RYR2: variants seen among roughly 807,000 people sequenced by gnomAD.
RYR2 encodes the protein ryanodine receptor 2.
RYR2 carries 227 observed loss-of-function variants against 601.1 expected under a neutral mutation model. That is an observed-to-expected ratio of 0.38 (90% CI 0.34 to 0.42). The LOEUF is 0.42. RYR2 is among the 10% of genes least tolerant of loss of function. RYR2 has a pLI of 1.00. For missense variants in RYR2, 4,646 were observed against 6,156.5 expected, an observed-to-expected ratio of 0.75 and a Z score of 8.21; for synonymous variants, 2,223 against 2,175.1, an observed-to-expected ratio of 1.02 and a Z score of -0.61.
At chr1:237,259,723 G>A (rs903228929) in intron 1 of RYR2, among the ~76,000 whole-genome samples, 2 of 152,054 alleles carry the variant, frequency 1.3e-5, no homozygotes, top group East Asian at 1.9e-4. Flanking sequence ...GGGGGAATTC[G>A]TTCTCTTCTT....
In RYR2 at chr1:237,711,090, G is replaced by A. The variant is rs189961547; in HGVS notation, c.10231-655G>A. 7.4e-4 allele frequency among the ~76,000 whole-genome samples: 112 copies of A among 152,152 alleles called. 1 individual carries two copies. Among genetic ancestry groups the A allele is most frequent in the African/African-American group, 2.7e-3 (111 of 41,532 alleles). ...TGCCGAAGAAGCGTCTTTAGATTTA[G>A]GTACAAGACTAAAGTTTGGAACAAG... On this transcript the variant is annotated intron_variant, in intron 70 of 104. Coordinates refer to ENST00000366574, the MANE Select transcript of RYR2 (RefSeq NM_001035.3).
intron 79 of RYR2, among the ~76,000 whole-genome samples, chr1:237,735,050 A>T (rs1691020920): frequency 6.6e-6 from 1 of 152,196 alleles, no homozygotes; most frequent in Admixed American, 6.5e-5. Flanking sequence ...GAGAACCTTA[A>T]GTGTGAGCTA....
At position 237,416,677 on chromosome 1, in the gene RYR2, C is replaced by T. The variant is rs189009769; in HGVS notation, c.774-372C>T. On this transcript the variant is annotated intron_variant, in intron 10 of 104. Coordinates refer to ENST00000366574, the MANE Select transcript of RYR2 (RefSeq NM_001035.3). ...TATTAAACTATACCTAAACTTATCA[C>T]AGAGTACTTTCATGGACCTAAGTTA... Among the ~76,000 whole-genome samples the T allele has an allele frequency of 2.0e-3, 298 of 150,772 alleles. 1 individual carries two copies. Among genetic ancestry groups the T allele is most frequent in the Admixed American group, 2.4e-3 (37 of 15,158 alleles).
chr1:237,688,906 T>C (rs1327172324), intron 63 of RYR2, among the ~76,000 whole-genome samples: 1 of 152,202 alleles, frequency 6.6e-6, no homozygotes, highest in East Asian at 1.9e-4. Context: ...TCTTTTCCTG[T>C]TATACCTCAT....
chr1:237,306,354 A>G (rs1262033121), intron 2 of RYR2, among the ~76,000 whole-genome samples: 1 of 152,220 alleles, frequency 6.6e-6, no homozygotes, highest in East Asian at 1.9e-4. Flanking sequence ...GGATTGGTCA[A>G]TGACTTAGCA....
At chr1:237,482,054 A>G (rs1662170064) in intron 17 of RYR2, among the ~76,000 whole-genome samples, 1 of 152,222 alleles carries the variant, frequency 6.6e-6, no homozygotes, top group Non-Finnish European at 1.5e-5. Flanking sequence ...TTTTAATTTT[A>G]TGAGTACATA....
At chr1:237,405,987 C>G (rs990440592) in intron 10 of RYR2, among the ~76,000 whole-genome samples, 3 of 151,538 alleles carry the variant, frequency 2.0e-5, no homozygotes, top group Admixed American at 2.0e-4. Flanking sequence ...CTTCATGATT[C>G]TGCAGCCTTT....
intron 97 of RYR2, chr1:237,799,894 C>T (rs557783781): frequency 6.6e-6 from 1 of 152,242 alleles, no homozygotes; most frequent in South Asian, 2.1e-4. Context: ...GAAAGGAGCT[C>T]ATGTCTCAAA....
At chr1:237,479,399 ATTTG>A (rs1474338619) in intron 17 of RYR2, among the ~76,000 whole-genome samples, 1 of 152,018 alleles carries the variant, frequency 6.6e-6, no homozygotes, top group African/African-American at 2.4e-5. Flanking sequence ...ATGCACCTTT[ATTTG>A]TTTTCTTTGC....
At chr1:237,805,450 G>A (rs567821366) in intron 98 of RYR2, among the ~76,000 whole-genome samples, 1 of 151,736 alleles carries the variant, frequency 6.6e-6, no homozygotes, top group African/African-American at 2.4e-5. Context: ...GCGTGGTGGC[G>A]GACGCTTGTA....
intron 53 of RYR2, 133 bp downstream of exon 53, chr1:237,656,117 T>C (rs1421660452): frequency 4.2e-5 from 28 of 659,274 alleles, no homozygotes; most frequent in Non-Finnish European, 6.7e-5. Context: ...TAGGGGTCCC[T>C]TTAATTTATA....
chr1:237,598,455 G>A (rs562415579), intron 34 of RYR2, among the ~76,000 whole-genome samples: 13 of 152,140 alleles, frequency 8.5e-5, no homozygotes, highest in East Asian at 1.9e-4. Context: ...AGATGATATC[G>A]TATATATTTT....
intron 99 of RYR2, among the ~76,000 whole-genome samples, chr1:237,807,215 T>G (rs1016005901): frequency 6.6e-6 from 1 of 152,196 alleles, no homozygotes; most frequent in Non-Finnish European, 1.5e-5. Context: ...TGTCAGTTAA[T>G]AAGATGTGTT....
chr1:237,643,597 G>A (rs1328615874), intron 48 of RYR2, 150 bp downstream of exon 48: 3 of 679,020 alleles, frequency 4.4e-6, no homozygotes, highest in African/African-American at 4.0e-5. Flanking sequence ...AAGCTGTAAA[G>A]TATATATTTT....
chr1:237,727,234 GT>G (rs1690274223), intron 76 of RYR2, 35 bp downstream of exon 76: 1 of 1,053,976 alleles, frequency 9.5e-7, no homozygotes, highest in Admixed American at 2.3e-5. Context: ...ATAGATCAAT[GT>G]TATTTTTTCC....
At chr1:237,648,690 A>G in intron 49 of RYR2, 77 bp downstream of exon 49, 4 of 1,423,404 alleles carry the variant, frequency 2.8e-6, no homozygotes, top group Non-Finnish European at 3.8e-6. Flanking sequence ...TTATATATCC[A>G]TTCATTAATT....
chr1:237,382,750 G>GAC (rs1701637205), intron 8 of RYR2, among the ~76,000 whole-genome samples: 1 of 152,006 alleles, frequency 6.6e-6, no homozygotes, highest in Non-Finnish European at 1.5e-5. Context: ...TGAAAATAAT[G>GAC]ATAAAAGAGT....
chr1:237,066,139 G>A (rs964122589), intron 1 of RYR2, among the ~76,000 whole-genome samples: 16 of 152,170 alleles, frequency 1.1e-4, no homozygotes, highest in African/African-American at 3.4e-4. Flanking sequence ...TTCATTCAGC[G>A]AAATGCTCTT....
intron 3 of RYR2, among the ~76,000 whole-genome samples, chr1:237,350,766 A>G (rs929119328): frequency 6.6e-6 from 1 of 151,404 alleles, no homozygotes; most frequent in African/African-American, 2.4e-5. Context: ...CTAATGATAT[A>G]GCTTTCAAGC....
Sources: allele counts gnomAD v4.1 joint callset (sites outside exome capture counted in the v4.1 genomes callset), GRCh38; gene constraint gnomAD v4.1.1; transcripts MANE v1.5; gene names NCBI Gene and HGNC (gene_info 2026-07-23, HGNC 2026-07-21).